ESYT1: variants seen among roughly 807,000 people sequenced by gnomAD.
ESYT1 encodes extended synaptotagmin-1.
Under a neutral mutation model 154.2 loss-of-function variants are expected in ESYT1, and 116 were observed. The observed-to-expected ratio is 0.75, with a 90% confidence interval of 0.65 to 0.88. ESYT1 has a LOEUF of 0.88. Among genes scored for constraint, ESYT1 ranks in the 40% least tolerant of loss-of-function variants. The pLI is 0.00. For synonymous variants in ESYT1, 500 were observed against 539.9 expected (o/e 0.93, Z 1.02); for missense variants, 1,264 against 1,379.3 (o/e 0.92, Z 1.32).
Position 56,136,892 on chromosome 12 carries a change from G to A in ESYT1, c.1781G>A (p.Arg594Lys), listed in dbSNP as rs1023401304. The A allele has an allele frequency of 6.3e-7, 1 of 1,592,608 alleles. No individual in the cohort carries two copies. Among genetic ancestry groups the A allele is most frequent in the Non-Finnish European group, 8.6e-7 (1 of 1,168,030 alleles). Reference sequence around the variant, plus strand: ...AGACTCTATATGAAACTAGTCATGAGGGTATGGAAATAGAGGAGGTACTGA... The same window carrying A: ...AGACTCTATATGAAACTAGTCATGAAGGTATGGAAATAGAGGAGGTACTGA... ...NSRLYMKLVM[R>K]ILYLDSSEIC... Residue 594 changes from arginine (R) to lysine (K), a missense_variant and splice_region_variant, in exon 16 of 31, where the codon AGG (arginine) becomes AAG (lysine). Arg to Lys is a conservative substitution (Grantham distance 26). Coordinates refer to ENST00000394048, the MANE Select transcript of ESYT1 (RefSeq NM_015292.3).
At chr12:56,134,942 G>A (rs1253972262) in intron 15 of ESYT1, among the ~76,000 whole-genome samples, 1 of 151,986 alleles carries the variant, frequency 6.6e-6, no homozygotes, top group Admixed American at 6.6e-5. Flanking sequence ...ATATATGTGT[G>A]TCTTGTCTAT....
At chr12:56,136,927 G>GA (rs1870483420) in intron 16 of ESYT1, 34 bp downstream of exon 16, 1 of 1,547,414 alleles carries the variant, frequency 6.5e-7, no homozygotes, top group Admixed American at 2.0e-5. Context: ...AGGTGTGGGG[G>GA]AAAGGCCTGT....
intron 8 of ESYT1, 27 bp downstream of exon 8, chr12:56,132,359 T>G: frequency 1.2e-6 from 2 of 1,614,086 alleles, no homozygotes; most frequent in Non-Finnish European, 1.7e-6. Flanking sequence ...ACTAGATAGA[T>G]CCTTCTCTCA....
Position 56,131,532 on chromosome 12 carries a change from T to C in ESYT1, c.770T>C (p.Val257Ala). ...LEPLIGDLPF[V>A]GAVSMFFIRR... ...CCACTCATTGGGGACCTTCCCTTCG[T>C]GGGGGCTGTGTCAATGTTCTTCATC... is the stretch of plus-strand genomic sequence containing the variant. The change falls in exon 6 of 31, where the codon GTG becomes GCG. Residue 257 changes from valine to alanine, a missense_variant. Physicochemically the swap from Val to Ala is moderately conservative, Grantham distance 64. Transcript: ENST00000394048. 1 of 1,614,030 alleles carries C rather than the reference T, an allele frequency of 6.2e-7. No individual in the cohort carries two copies. Among genetic ancestry groups the C allele is most frequent in the South Asian group, 1.1e-5 (1 of 91,062 alleles).
chr12:56,129,967 G>A (rs2136867926), intron 1 of ESYT1, among the ~76,000 whole-genome samples: 1 of 151,974 alleles, frequency 6.6e-6, no homozygotes, highest in Non-Finnish European at 1.5e-5. Flanking sequence ...TTGCCAAGCT[G>A]GAGTGCAGTG....
intron 24 of ESYT1, among the ~76,000 whole-genome samples, chr12:56,141,705 A>G (rs985505069): frequency 7.2e-5 from 11 of 152,102 alleles, no homozygotes; most frequent in Admixed American, 4.6e-4. Context: ...GCGCCACTGC[A>G]CTCCAGCCTG....
chr12:56,137,783 G>C (rs373251763), intron 18 of ESYT1, 49 bp from the exon 19 acceptor site: 1 of 1,612,076 alleles, frequency 6.2e-7, no homozygotes, highest in Non-Finnish European at 8.5e-7. Context: ...CCAGTCATTT[G>C]CAGAGGAAAA....
In ESYT1 at chr12:56,132,219, G is replaced by C. The variant is rs550727300; in HGVS notation, c.871G>C (p.Asp291His). 3.7e-6 allele frequency: 6 copies of C among 1,614,130 alleles called. No individual in the cohort carries two copies. In the African/African-American group the frequency reaches 8.0e-5, roughly 22 times the overall value. ...TACTCCCCCATTCAGCTCACTCTCT[G>C]ACACCATGATCATGGACTCCATTGC... Reference protein sequence around the residue: ...LDIPGLSSLSDTMIMDSIAAF... With the variant: ...LDIPGLSSLSHTMIMDSIAAF... The change falls in exon 8 of 31, where the codon GAC becomes CAC. Residue 291 changes from aspartate to histidine, a missense_variant. By Grantham distance (81) the Asp-to-His change is moderately conservative. Transcript: ENST00000394048.
At position 56,130,767 on chromosome 12, in the gene ESYT1, C is replaced by T. The variant is rs778075158; in HGVS notation, c.433-24C>T. The T allele has an allele frequency of 4.3e-6, 7 of 1,613,676 alleles. No individual in the cohort carries two copies. The South Asian group carries it at 5.5e-5, about 13-fold the overall frequency. On this transcript the variant is annotated intron_variant, in intron 2 of 30. Transcript: ENST00000394048. ...TTGAGAGGGAAGACTGGACTCTCCT[C>T]TGACCATCTCTCTTTCCTCCCAGAT...
At chr12:56,137,715 T>C in intron 18 of ESYT1, 40 bp downstream of exon 18, 1 of 1,609,872 alleles carries the variant, frequency 6.2e-7, no homozygotes, top group South Asian at 1.1e-5. Flanking sequence ...TCTGCCCCAT[T>C]TTTCCCCCAA....
At chr12:56,137,196 A>G (rs1870494083) in intron 16 of ESYT1, 22 bp from the exon 17 acceptor site, 2 of 1,613,570 alleles carry the variant, frequency 1.2e-6, no homozygotes, top group Non-Finnish European at 1.7e-6. Flanking sequence ...TCTTTGATTC[A>G]GCATCATACT....
intron 10 of ESYT1, among the ~76,000 whole-genome samples, chr12:56,133,208 CAT>C (rs1285089763): frequency 1.3e-5 from 2 of 152,122 alleles, no homozygotes; most frequent in Admixed American, 6.5e-5. Context: ...GCCTGGGAAT[CAT>C]GTATCATTTT....
Position 56,138,469 on chromosome 12 carries a change from C to T in ESYT1, c.2403C>T (p.Ser801=), listed in dbSNP as rs1355406221. Residue 801 remains serine (S), a synonymous_variant, in exon 22 of 31, where the codon TCC becomes TCT. Transcript: ENST00000394048. ...CGGAGCTGGCTGCGGCCCTGCTATC[C>T]ATCTATATGGAGCGGGCAGAGGACC... The part of the protein sequence containing the change: ...KSAELAAALL[S]IYMERAEDLP... The T allele has an allele frequency of 4.0e-5, 64 of 1,612,050 alleles. No homozygotes were observed. Among genetic ancestry groups the T allele is most frequent in the Non-Finnish European group, 5.4e-5 (64 of 1,179,410 alleles).
intron 5 of ESYT1, 58 bp downstream of exon 5, chr12:56,131,374 T>A: frequency 2.5e-6 from 4 of 1,610,382 alleles, no homozygotes; most frequent in Non-Finnish European, 3.4e-6. Flanking sequence ...TTTCATGGGA[T>A]ATGGGGAAGT....
Position 56,142,394 on chromosome 12 carries a change from A to G in ESYT1, c.2702A>G (p.Gln901Arg), listed in dbSNP as rs760852463. The change falls in exon 25 of 31, where the codon CAG (glutamine) becomes CGG (arginine). Residue 901 changes from glutamine (Q) to arginine (R), a missense_variant. Coordinates refer to ENST00000394048, the MANE Select transcript of ESYT1 (RefSeq NM_015292.3). The surrounding 1 kb of genome is among the most constrained non-coding windows in gnomAD (Gnocchi z 4.1). ...LDRWFTLSSG[Q>R]GQVLLRAQLG... ...CGCTGGTTTACACTCAGCAGTGGTC[A>G]GGGGCAGGTGCTACTGAGAGCACAG... The G allele has an allele frequency of 1.9e-6, 3 of 1,613,972 alleles. No homozygotes were observed. The Admixed American group carries it at 5.0e-5, about 27-fold the overall frequency.
In ESYT1 at chr12:56,144,023, GAGA is replaced by G. The variant is rs1375580302; in HGVS notation, c.*166_*168del. The stretch of plus-strand genomic sequence containing the variant: ...ATATTCGGGCCTTTGCCTGACCAAA[GAGA>G]AGAACCGTATGTTCCCTTTACTGCA... On this transcript the variant is annotated 3_prime_UTR_variant, in exon 31 of 31. Transcript: ENST00000394048. 10 of 1,492,898 alleles carry G rather than the reference GAGA, an allele frequency of 6.7e-6. No individual in the cohort carries two copies. Among genetic ancestry groups the G allele is most frequent in the Non-Finnish European group, 8.0e-6 (9 of 1,127,378 alleles). 92.5% of individuals were successfully genotyped at this position (1,492,898 alleles called of 1,614,324 possible). A position where few individuals can be genotyped will look rare whatever the true frequency, so the allele number is the denominator to read the frequency against.
rs997951784 is a variant in ESYT1, at chr12:56,144,558, T to G, written c.*696T>G. On this transcript the variant is annotated 3_prime_UTR_variant, in exon 31 of 31. Coordinates refer to ENST00000394048, the MANE Select transcript of ESYT1 (RefSeq NM_015292.3). ...GGACTTGGGACAGCAGGGCCAATTT[T>G]TTTGCCCAAGTGCCTAGGCTGCTAA... 3 of 985,478 alleles carry G rather than the reference T, an allele frequency of 3.0e-6. No individual in the cohort carries two copies. Among genetic ancestry groups the G allele is most frequent in the Non-Finnish European group, 3.6e-6 (3 of 829,996 alleles). The allele number at this position is 985,478 out of a possible 1,614,324, so 61.0% of individuals were successfully genotyped here. A position where few individuals can be genotyped will look rare whatever the true frequency, so the allele number is the denominator to read the frequency against.
In ESYT1 at chr12:56,137,539, T is replaced by C. The variant is rs771739466; in HGVS notation, c.1979T>C (p.Ile660Thr). 6.2e-6 allele frequency: 10 copies of C among 1,614,114 alleles called. No homozygotes were observed. Among genetic ancestry groups the C allele is most frequent in the Admixed American group, 1.7e-5 (1 of 60,006 alleles). Residue 660 changes from isoleucine to threonine, a missense_variant, in exon 18 of 31, where the codon ATT becomes ACT. Ile to Thr is a moderately conservative substitution (Grantham distance 89). Coordinates refer to ENST00000394048, the MANE Select transcript of ESYT1 (RefSeq NM_015292.3). ...CATGTATTAGAGGCCCAGGACCTGA[T>C]TGCCAAAGACCGTTTCTTGGGGGGA... ...RIHVLEAQDLIAKDRFLGGLV... is the reference protein window; with the variant it reads ...RIHVLEAQDLTAKDRFLGGLV...
rs148075380 is a variant in ESYT1, at chr12:56,142,306, G to T, written c.2614G>T (p.Val872Leu). 2 of 1,613,998 alleles carry T rather than the reference G, an allele frequency of 1.2e-6. No individual in the cohort carries two copies. The highest frequency in any genetic ancestry group is 8.5e-7 in the Non-Finnish European group (1 of 1,180,034). The change falls in exon 25 of 31, where the codon GTG becomes TTG. Residue 872 changes from valine to leucine, a missense_variant. Transcript: ENST00000394048. The surrounding 1 kb of genome is among the most constrained non-coding windows in gnomAD (Gnocchi z 4.1). ...ACAGGTTCGGGGTGAGGGCACTGGC[G>T]TGCTGGGCTCATTATCCCTGCCCCT... ...ELQVRGEGTG[V>L]LGSLSLPLSE... is the part of the protein sequence containing the mutation.
Sources: allele counts gnomAD v4.1 joint callset (sites outside exome capture counted in the v4.1 genomes callset), GRCh38; gene constraint gnomAD v4.1.1; non-coding constraint Gnocchi (gnomAD v3.1); transcripts MANE v1.5; gene names NCBI Gene and HGNC (gene_info 2026-07-23, HGNC 2026-07-21).